The following LRRC49 variants were observed in gnomAD, a reference collection of about 807,000 sequenced individuals.
LRRC49 encodes the protein leucine rich repeat containing 49.
LRRC49 carries 50 observed loss-of-function variants against 83.3 expected under a neutral mutation model. That is an observed-to-expected ratio of 0.60 (90% CI 0.48 to 0.76). The LOEUF is 0.76. Among genes scored for constraint, LRRC49 ranks in the 30% least tolerant of loss-of-function variants. The pLI is 0.00. For missense variants in LRRC49, 704 were observed against 809.1 expected, an observed-to-expected ratio of 0.87 and a Z score of 1.58; for synonymous variants, 286 against 283.3, an observed-to-expected ratio of 1.01 and a Z score of -0.10.
intron 6 of LRRC49, among the ~76,000 whole-genome samples, chr15:70,916,867 C>T (rs2034798374): frequency 2.0e-5 from 3 of 152,172 alleles, no homozygotes; most frequent in Admixed American, 2.0e-4. Context: ...GCTGCAGCCT[C>T]CCAAACTGCA....
chr15:71,027,874 G>A (rs147637535), intron 14 of LRRC49, among the ~76,000 whole-genome samples: 2,954 of 152,154 alleles, frequency 0.019, 94 homozygotes, highest in African/African-American at 0.067. Flanking sequence ...TAAATATACA[G>A]TCATGTCGTC....
chr15:70,942,773 C>T (rs1429197037), intron 8 of LRRC49, among the ~76,000 whole-genome samples: 1 of 152,070 alleles, frequency 6.6e-6, no homozygotes, highest in Non-Finnish European at 1.5e-5. Context: ...TTAAGAAATA[C>T]ATTGGTTTGG....
At chr15:71,022,911 A>C (rs893494225) in intron 14 of LRRC49, among the ~76,000 whole-genome samples, 1 of 152,246 alleles carries the variant, frequency 6.6e-6, no homozygotes, top group Non-Finnish European at 1.5e-5. Flanking sequence ...TTCATAAAGC[A>C]AATGTCAAGA....
At chr15:70,968,921 G>A (rs567218797) in intron 9 of LRRC49, among the ~76,000 whole-genome samples, 15 of 151,940 alleles carry the variant, frequency 9.9e-5, no homozygotes, top group Non-Finnish European at 1.9e-4. Context: ...ATTTTCTTCC[G>A]TTCTGTAGGT....
intron 6 of LRRC49, among the ~76,000 whole-genome samples, chr15:70,915,735 A>G (rs2034747353): frequency 1.3e-5 from 2 of 152,166 alleles, no homozygotes; most frequent in African/African-American, 2.4e-5. Context: ...ACACAGTTTT[A>G]TCATCTGTTA....
intron 6 of LRRC49, among the ~76,000 whole-genome samples, chr15:70,915,400 A>C (rs989177970): frequency 1.3e-5 from 2 of 152,202 alleles, no homozygotes; most frequent in South Asian, 2.1e-4. Flanking sequence ...AGCAGAAGGG[A>C]GAAAACACAC....
At chr15:70,910,875 A>G (rs1447597973) in intron 5 of LRRC49, among the ~76,000 whole-genome samples, 1 of 152,230 alleles carries the variant, frequency 6.6e-6, no homozygotes, top group East Asian at 1.9e-4. Context: ...TTTTAAAAAT[A>G]TAAACACAAA....
chr15:70,944,666 A>G (rs147738855), intron 8 of LRRC49, among the ~76,000 whole-genome samples: 1 of 152,168 alleles, frequency 6.6e-6, no homozygotes, highest in Non-Finnish European at 1.5e-5. Flanking sequence ...TGGCCTCCCA[A>G]CGTGCTGTGA....
chr15:70,989,093 G>C (rs997794079), intron 11 of LRRC49, among the ~76,000 whole-genome samples: 2 of 152,092 alleles, frequency 1.3e-5, no homozygotes, highest in African/African-American at 4.8e-5. Context: ...TTCAACTTTG[G>C]TGAATCTAAC....
chr15:70,955,582 A>G (rs867854347), intron 8 of LRRC49, among the ~76,000 whole-genome samples: 1 of 152,212 alleles, frequency 6.6e-6, no homozygotes, highest in Admixed American at 6.5e-5. Context: ...ATTGTCTTCT[A>G]TCTCTCAGCC....
intron 1 of LRRC49, among the ~76,000 whole-genome samples, chr15:70,862,114 G>A (rs2032802524): frequency 6.6e-6 from 1 of 152,132 alleles, no homozygotes; most frequent in Admixed American, 6.5e-5. Context: ...TAGCAAGAGA[G>A]CCAGCTGCCT....
At position 70,919,188 on chromosome 15, in the gene LRRC49, T is replaced by G. The variant is rs752308572; in HGVS notation, c.706T>G (p.Phe236Val). The change falls in exon 7 of 16, where the codon TTC (phenylalanine) becomes GTC (valine). Residue 236 changes from phenylalanine (F) to valine (V), a missense_variant. By Grantham distance (50) the Phe-to-Val change is conservative. Around this residue, in one of 3 missense-constraint regions of LRRC49, gnomAD observed 261 missense variants for 330.5 expected, o/e 0.79. Coordinates refer to ENST00000260382, the MANE Select transcript of LRRC49 (RefSeq NM_017691.5). ...TAACTTGCGACACAATCAAATCACT[T>G]TCGTGGTGAGTATTAAAATGGAGTT... Reference protein sequence around the residue: ...ELNLRHNQITFVRDVDNLPCL... With the variant: ...ELNLRHNQITVVRDVDNLPCL... The G allele has an allele frequency of 2.5e-6, 4 of 1,609,572 alleles. No individual in the cohort carries two copies. The South Asian group carries it at 3.3e-5, about 13-fold the overall frequency.
At chr15:70,967,674 T>G (rs2036839477) in intron 9 of LRRC49, among the ~76,000 whole-genome samples, 1 of 152,178 alleles carries the variant, frequency 6.6e-6, no homozygotes, top group African/African-American at 2.4e-5. Flanking sequence ...AAGGACCTGA[T>G]AGTAAATATT....
chr15:70,995,170 A>G (rs1438439776), intron 11 of LRRC49, among the ~76,000 whole-genome samples: 1 of 152,182 alleles, frequency 6.6e-6, no homozygotes. Flanking sequence ...GATAGAAATG[A>G]TGGGTCAGAT....
At chr15:71,000,174 G>A (rs910168545) in intron 11 of LRRC49, among the ~76,000 whole-genome samples, 1 of 152,112 alleles carries the variant, frequency 6.6e-6, no homozygotes, top group Non-Finnish European at 1.5e-5. Context: ...CCCTGGTTTT[G>A]TAATTTATTA....
chr15:70,915,071 A>G (rs540525560), intron 6 of LRRC49, among the ~76,000 whole-genome samples: 25 of 152,300 alleles, frequency 1.6e-4, no homozygotes, highest in African/African-American at 4.8e-4. Context: ...ATCAAGACCT[A>G]TGCTGTCACT....
chr15:71,029,648 G>C (rs2039286194), intron 14 of LRRC49, among the ~76,000 whole-genome samples: 1 of 152,108 alleles, frequency 6.6e-6, no homozygotes, highest in Non-Finnish European at 1.5e-5. Flanking sequence ...TTACTGTGTG[G>C]GAGTCTAAGT....
At chr15:70,928,691 G>A (rs961139299) in intron 7 of LRRC49, among the ~76,000 whole-genome samples, 3 of 151,904 alleles carry the variant, frequency 2.0e-5, no homozygotes, top group Admixed American at 6.6e-5. Flanking sequence ...TCAGCCTCCC[G>A]AGTAGCTGGG....
intron 8 of LRRC49, among the ~76,000 whole-genome samples, chr15:70,946,155 A>G (rs917189415): frequency 1.3e-5 from 2 of 152,176 alleles, no homozygotes; most frequent in South Asian, 2.1e-4. Context: ...CAAGTATACA[A>G]TACATTGTTA....
Sources: gnomAD v4.1 joint callset for allele counts (sites outside exome capture counted in the v4.1 genomes callset) on GRCh38, gnomAD v4.1.1 for gene constraint, gnomAD v4.1.1 regional missense constraint, MANE v1.5 for transcripts, NCBI Gene and HGNC (gene_info 2026-07-23, HGNC 2026-07-21) for gene names.